Variants in NAA60 observed in about 807,000 individuals in gnomAD.
NAA60 encodes the protein N-alpha-acetyltransferase 60.
NAA60 carries 8 observed loss-of-function variants against 26.1 expected under a neutral mutation model. The observed-to-expected ratio is 0.31, with a 90% CI of 0.18 to 0.55. NAA60 has a LOEUF of 0.55. Ranked by LOEUF, NAA60 falls within the 20% of genes least tolerant of loss-of-function variation. NAA60 has a pLI of 0.93. For synonymous variants in NAA60, 131 were observed against 122.5 expected (o/e 1.07, Z -0.46); for missense variants, 290 against 311.3 (o/e 0.93, Z 0.51).
At chr16:3,458,063 G>T in intron 2 of NAA60, 1 of 985,322 alleles carries the variant, frequency 1.0e-6, no homozygotes, top group Non-Finnish European at 1.2e-6. Flanking sequence ...CCCGGCTGCG[G>T]CCCCTGCCGG....
chr16:3,458,683 ACTC>A (rs1377182395), intron 2 of NAA60, among the ~76,000 whole-genome samples: 2 of 151,660 alleles, frequency 1.3e-5, no homozygotes, highest in African/African-American at 2.4e-5. Context: ...CCTCCTCTGA[ACTC>A]CTGAAAGCCA....
At chr16:3,459,792 C>T (rs755506502) in intron 2 of NAA60, among the ~76,000 whole-genome samples, 13 of 152,172 alleles carry the variant, frequency 8.5e-5, no homozygotes, top group Non-Finnish European at 1.3e-4. Context: ...TCTTTAGCCT[C>T]TCCTGGTTGT....
At position 3,476,158 on chromosome 16, in the gene NAA60, C is replaced by T. The variant is rs1012286471; in HGVS notation, c.-6-64C>T. 1.4e-4 allele frequency: 185 copies of T among 1,316,548 alleles called. 1 individual carries two copies. The South Asian group carries it at 2.3e-3, about 16-fold the overall frequency. The allele number at this position is 1,316,548 out of a possible 1,614,324, so 81.6% of individuals were successfully genotyped here. On this transcript the variant is annotated intron_variant, in intron 2 of 7. Coordinates refer to ENST00000407558, the MANE Select transcript of NAA60 (RefSeq NM_001083601.3). ...CCGTGCTCTTCTGTCTCGCCTGCCT[C>T]ACAAGCTGAGCATGAGGAAGACCAG...
intron 2 of NAA60, among the ~76,000 whole-genome samples, chr16:3,450,557 G>A (rs946146925): frequency 2.6e-5 from 4 of 152,098 alleles, no homozygotes; most frequent in Admixed American, 6.6e-5. Context: ...AAAATTAGCC[G>A]AGCGTGGTGG....
intron 2 of NAA60, among the ~76,000 whole-genome samples, chr16:3,459,559 C>T (rs962874311): frequency 6.6e-5 from 10 of 152,158 alleles, no homozygotes; most frequent in African/African-American, 1.4e-4. Context: ...CATCTCCCTT[C>T]TTGTGGGATT....
At chr16:3,477,376 G>C (rs1023620119) in intron 3 of NAA60, among the ~76,000 whole-genome samples, 1 of 152,242 alleles carries the variant, frequency 6.6e-6, no homozygotes, top group Admixed American at 6.5e-5. Flanking sequence ...GCATTTCCTT[G>C]AGTGTTCACC....
At chr16:3,476,595 G>A (rs544523632) in intron 3 of NAA60, among the ~76,000 whole-genome samples, 4 of 152,270 alleles carry the variant, frequency 2.6e-5, no homozygotes, top group East Asian at 1.9e-4. Context: ...CGGGTGTGGT[G>A]CTATTTATAA....
At chr16:3,453,947 A>T (rs1020430298) in intron 2 of NAA60, among the ~76,000 whole-genome samples, 5 of 152,156 alleles carry the variant, frequency 3.3e-5, no homozygotes, top group Admixed American at 1.3e-4. Flanking sequence ...AGAGCAGGGC[A>T]TGGGTTTGTG....
chr16:3,463,442 T>C (rs2035541692), intron 2 of NAA60, among the ~76,000 whole-genome samples: 1 of 150,988 alleles, frequency 6.6e-6, no homozygotes, highest in Non-Finnish European at 1.5e-5. Context: ...TGTCAGCTAC[T>C]TGCGGAGGCT....
chr16:3,466,834 C>T (rs1307044128), intron 2 of NAA60, among the ~76,000 whole-genome samples: 1 of 152,066 alleles, frequency 6.6e-6, no homozygotes, highest in African/African-American at 2.4e-5. Flanking sequence ...CTGGATTTTG[C>T]AGAGGGACAG....
chr16:3,455,126 G>C (rs1312338223), intron 2 of NAA60, among the ~76,000 whole-genome samples: 2 of 151,074 alleles, frequency 1.3e-5, no homozygotes, highest in East Asian at 3.9e-4. Context: ...ATCTCGGCTC[G>C]CTGCAACCTC....
At chr16:3,464,954 A>G (rs1596315437) in intron 2 of NAA60, among the ~76,000 whole-genome samples, 2 of 152,164 alleles carry the variant, frequency 1.3e-5, no homozygotes, top group African/African-American at 4.8e-5. Context: ...GCAGAGGCTC[A>G]TTTCACCCCA....
chr16:3,448,666 A>G (rs1260246748), intron 2 of NAA60, 126 bp downstream of exon 2: 1 of 734,604 alleles, frequency 1.4e-6, no homozygotes, highest in African/African-American at 1.8e-5. Flanking sequence ...GTACTGAATG[A>G]TAGAAGGCGC....
At position 3,476,341 on chromosome 16, in the gene NAA60, A is replaced by T; in HGVS notation, c.110+4A>T. The stretch of plus-strand genomic sequence containing the variant: ...GTGGCGACTGGTTCCCCATCGAGTA[A>T]GTGGAGCGGATTGCAGGGTTGGGGA... On this transcript the variant is annotated splice_donor_region_variant and intron_variant, in intron 3 of 7. Transcript: ENST00000407558. The T allele has an allele frequency of 6.2e-7, 1 of 1,612,302 alleles. No homozygotes were observed. Among genetic ancestry groups the T allele is most frequent in the Non-Finnish European group, 8.5e-7 (1 of 1,178,688 alleles).
intron 1 of NAA60, among the ~76,000 whole-genome samples, chr16:3,445,671 G>A (rs575669835): frequency 1.6e-4 from 24 of 152,144 alleles, no homozygotes; most frequent in African/African-American, 5.1e-4. Flanking sequence ...AGAGACTCCC[G>A]TGGCTCTCTT....
At chr16:3,465,120 AG>A (rs2035657345) in intron 2 of NAA60, among the ~76,000 whole-genome samples, 1 of 152,066 alleles carries the variant, frequency 6.6e-6, no homozygotes, top group African/African-American at 2.4e-5. Context: ...ACAAAAAGTT[AG>A]CCGAATGTGG....
chr16:3,471,641 C>T (rs566229986), intron 2 of NAA60, among the ~76,000 whole-genome samples: 1 of 152,312 alleles, frequency 6.6e-6, no homozygotes, highest in East Asian at 1.9e-4. Context: ...TCCCTGTGGC[C>T]TCCAGACCCG....
intron 4 of NAA60, among the ~76,000 whole-genome samples, chr16:3,482,301 G>A (rs374874482): frequency 5.3e-5 from 8 of 152,324 alleles, no homozygotes; most frequent in Admixed American, 1.3e-4. Flanking sequence ...CTTTTCAGCT[G>A]TTTTTCACCA....
intron 2 of NAA60, among the ~76,000 whole-genome samples, chr16:3,475,416 T>A (rs2036417049): frequency 6.6e-6 from 1 of 151,554 alleles, no homozygotes; most frequent in Non-Finnish European, 1.5e-5. Flanking sequence ...ACGACTAATT[T>A]CCAACTTAAA....
Sources: gnomAD v4.1 joint callset for allele counts (sites outside exome capture counted in the v4.1 genomes callset) on GRCh38, gnomAD v4.1.1 for gene constraint, MANE v1.5 for transcripts, NCBI Gene and HGNC (gene_info 2026-07-23, HGNC 2026-07-21) for gene names.